Variants in DOK6 observed in about 807,000 individuals in gnomAD.
DOK6 encodes downstream of tyrosine kinase 6.
In DOK6, 22 loss-of-function variants were observed where a neutral mutation model predicts 44.0. The observed-to-expected ratio is 0.50, with a 90% CI of 0.36 to 0.71. The LOEUF (loss-of-function observed/expected upper bound fraction) is 0.71. DOK6 is among the 30% of genes least tolerant of loss of function. The pLI, the probability that DOK6 is intolerant of heterozygous loss-of-function variation, is 0.00. For synonymous variants in DOK6, 166 were observed against 145.5 expected (o/e 1.14, Z -1.01); for missense variants, 340 against 416.4 (o/e 0.82, Z 1.60).
chr18:69,791,222 A>C (rs776625618), intron 7 of DOK6, among the ~76,000 whole-genome samples: 4 of 152,226 alleles, frequency 2.6e-5, no homozygotes, highest in African/African-American at 7.2e-5. Context: ...ATGGAAGTTC[A>C]GCTATCTCTT....
intron 2 of DOK6, among the ~76,000 whole-genome samples, chr18:69,589,136 A>C (rs1239325479): frequency 1.3e-5 from 2 of 152,192 alleles, no homozygotes; most frequent in African/African-American, 2.4e-5. Flanking sequence ...CAGATATTGA[A>C]GCATATAATG....
At chr18:69,640,212 A>G (rs1811500646) in intron 3 of DOK6, among the ~76,000 whole-genome samples, 1 of 152,180 alleles carries the variant, frequency 6.6e-6, no homozygotes, top group African/African-American at 2.4e-5. Flanking sequence ...TGTGCAAAAT[A>G]TTGCCTCAAT....
At chr18:69,753,679 G>A (rs139901389) in intron 6 of DOK6, among the ~76,000 whole-genome samples, 2 of 152,326 alleles carry the variant, frequency 1.3e-5, no homozygotes, top group East Asian at 3.8e-4. Flanking sequence ...TCCTAATCTA[G>A]TTGATTTCTG....
chr18:69,548,910 G>A (rs1340313166), intron 1 of DOK6, among the ~76,000 whole-genome samples: 3 of 151,052 alleles, frequency 2.0e-5, no homozygotes, highest in Non-Finnish European at 3.0e-5. Flanking sequence ...TGGCTAACAT[G>A]GTGAAACCCC....
chr18:69,598,533 T>C (rs1398901717), intron 2 of DOK6, among the ~76,000 whole-genome samples: 2 of 152,112 alleles, frequency 1.3e-5, no homozygotes, highest in African/African-American at 4.8e-5. Flanking sequence ...ACAGTATGGA[T>C]CTAGAAATAA....
chr18:69,731,774 C>G (rs1255115978), intron 5 of DOK6, among the ~76,000 whole-genome samples: 3 of 152,152 alleles, frequency 2.0e-5, no homozygotes, highest in African/African-American at 7.2e-5. Flanking sequence ...AAACTAAAAA[C>G]TGTCCCAATC....
chr18:69,687,818 A>G (rs1169503101), intron 4 of DOK6, among the ~76,000 whole-genome samples: 1 of 152,184 alleles, frequency 6.6e-6, no homozygotes, highest in Non-Finnish European at 1.5e-5. Context: ...AAAGGCAAAG[A>G]TATCTTTCTC....
intron 3 of DOK6, among the ~76,000 whole-genome samples, chr18:69,644,678 A>C (rs1985027078): frequency 6.6e-6 from 1 of 152,136 alleles, no homozygotes; most frequent in Non-Finnish European, 1.5e-5. Flanking sequence ...TCTTTTTATA[A>C]GGTAGAGTGA....
intron 1 of DOK6, among the ~76,000 whole-genome samples, chr18:69,460,096 T>A (rs1297569011): frequency 6.6e-6 from 1 of 152,194 alleles, no homozygotes. Context: ...CATTGTTAGT[T>A]TTTAAGCACT....
intron 7 of DOK6, among the ~76,000 whole-genome samples, chr18:69,834,970 CAA>C (rs1982002420): frequency 6.6e-6 from 1 of 152,136 alleles, no homozygotes; most frequent in Non-Finnish European, 1.5e-5. Context: ...GGCAAGAGAG[CAA>C]ATGATCAAAA....
chr18:69,488,253 T>C (rs138116042), intron 1 of DOK6, among the ~76,000 whole-genome samples: 121 of 152,234 alleles, frequency 7.9e-4, no homozygotes, highest in South Asian at 2.3e-3. Flanking sequence ...TAACCCTAAT[T>C]GCTTCTTAAA....
chr18:69,599,007 G>A (rs1271153715), intron 2 of DOK6, among the ~76,000 whole-genome samples: 2 of 152,036 alleles, frequency 1.3e-5, no homozygotes, highest in Non-Finnish European at 2.9e-5. Context: ...CATGACAGGT[G>A]AAAATTAAGA....
rs1982360080 is a variant in DOK6 at position 69,847,049 on chromosome 18, G to A, written c.*5666G>A. The stretch of plus-strand genomic sequence containing the variant: ...TCCTACCTTAAGATTTTAACATCTT[G>A]TAAATATTAATATTTGAAGGGGAGA... On this transcript the variant is annotated 3_prime_UTR_variant, in exon 8 of 8. Transcript: ENST00000382713. 1 of 152,022 alleles carries A rather than the reference G, an allele frequency of 6.6e-6. No individual in the cohort carries two copies. The highest frequency in any genetic ancestry group is 1.5e-5 in the Non-Finnish European group (1 of 68,012). 9.4% of individuals were successfully genotyped at this position (152,022 alleles called of 1,614,324 possible).
chr18:69,518,009 C>T (rs1039085628), intron 1 of DOK6, among the ~76,000 whole-genome samples: 3 of 152,244 alleles, frequency 2.0e-5, no homozygotes, highest in East Asian at 1.9e-4. Flanking sequence ...TTTAACTTCT[C>T]TTGGTGGCTT....
intron 1 of DOK6, among the ~76,000 whole-genome samples, chr18:69,490,966 G>A (rs17081069): frequency 0.33 from 49,461 of 152,138 alleles, 8,324 homozygotes; most frequent in East Asian, 0.57. Flanking sequence ...TCAGAAGGCC[G>A]CAGTCCCTGA....
intron 7 of DOK6, among the ~76,000 whole-genome samples, chr18:69,812,277 T>A (rs112547691): frequency 3.3e-4 from 50 of 152,304 alleles, no homozygotes; most frequent in African/African-American, 1.2e-3. Context: ...AATTGCAAGA[T>A]ACTTTTACCC....
chr18:69,573,185 A>G (rs1162107434), intron 2 of DOK6, among the ~76,000 whole-genome samples: 2 of 151,866 alleles, frequency 1.3e-5, no homozygotes, highest in East Asian at 3.9e-4. Flanking sequence ...TTGGATAAAA[A>G]TTAATATTGG....
At chr18:69,506,341 C>A (rs1321771844) in intron 1 of DOK6, among the ~76,000 whole-genome samples, 1 of 152,102 alleles carries the variant, frequency 6.6e-6, no homozygotes, top group Non-Finnish European at 1.5e-5. Context: ...TTAACCACCA[C>A]AAGAATAAAA....
chr18:69,709,797 G>T (rs1986717780), intron 5 of DOK6, among the ~76,000 whole-genome samples: 1 of 151,954 alleles, frequency 6.6e-6, no homozygotes, highest in Non-Finnish European at 1.5e-5. Flanking sequence ...CTATTTTTTG[G>T]TCTTTTATTT....
Sources: gnomAD v4.1 joint callset for allele counts (sites outside exome capture counted in the v4.1 genomes callset) on GRCh38, gnomAD v4.1.1 for gene constraint, MANE v1.5 for transcripts, NCBI Gene and HGNC (gene_info 2026-07-23, HGNC 2026-07-21) for gene names.